Variants in PCCA observed in about 807,000 individuals in gnomAD.
PCCA encodes propionyl-CoA carboxylase subunit alpha.
Under a neutral mutation model 101.3 loss-of-function variants are expected in PCCA, and 74 were observed. That is an observed-to-expected ratio of 0.73 (90% CI 0.61 to 0.89). The LOEUF (loss-of-function observed/expected upper bound fraction) is 0.89, where lower values mean the gene tolerates loss of function less well. Ranked by LOEUF, PCCA falls within the 40% of genes least tolerant of loss-of-function variation. The probability of loss-of-function intolerance (pLI) is 0.00; values close to 1 mark genes in which losing one functional copy is unlikely to be tolerated. For synonymous variants in PCCA, 294 were observed against 313.6 expected (o/e 0.94, Z 0.66); for missense variants, 891 against 907.0 (o/e 0.98, Z 0.23).
At chr13:100,103,793 G>T (rs535716410) in intron 2 of PCCA, among the ~76,000 whole-genome samples, 1 of 150,420 alleles carries the variant, frequency 6.6e-6, no homozygotes, top group Non-Finnish European at 1.5e-5. Context: ...GCCCCACCAC[G>T]CCCGTCTAAT....
intron 17 of PCCA, among the ~76,000 whole-genome samples, chr13:100,339,696 C>T (rs537203970): frequency 2.0e-5 from 3 of 152,276 alleles, no homozygotes; most frequent in East Asian, 1.9e-4. Flanking sequence ...TTTGGATCTT[C>T]GCACCAGAAA....
chr13:100,340,902 C>T (rs1294919240), intron 18 of PCCA, among the ~76,000 whole-genome samples: 1 of 151,612 alleles, frequency 6.6e-6, no homozygotes, highest in Non-Finnish European at 1.5e-5. Flanking sequence ...TTCCTTTTTA[C>T]TTTTTCACAA....
rs192139152 is a variant in PCCA at position 100,091,541 on chromosome 13, C to T, written c.105+2316C>T. On this transcript the variant is annotated intron_variant, in intron 1 of 23. Coordinates refer to ENST00000376285, the MANE Select transcript of PCCA (RefSeq NM_000282.4). Reference sequence around the variant, plus strand: ...TGAGCTGCTGCTTAGCTTCTCTCTGCGCTTCTCTTCTATGAACTTGAAATA... The same window carrying T: ...TGAGCTGCTGCTTAGCTTCTCTCTGTGCTTCTCTTCTATGAACTTGAAATA... Among the ~76,000 whole-genome samples, 40 of 152,256 alleles carry T rather than the reference C, an allele frequency of 2.6e-4. No individual in the cohort carries two copies. In the East Asian group the frequency reaches 6.8e-3, roughly 26 times the overall value.
intron 21 of PCCA, among the ~76,000 whole-genome samples, chr13:100,511,443 G>A (rs1439751665): frequency 6.6e-6 from 1 of 152,196 alleles, no homozygotes; most frequent in Non-Finnish European, 1.5e-5. Context: ...CTTTGAAGAA[G>A]TGTCTGCCTC....
chr13:100,343,197 A>G (rs536980039), intron 18 of PCCA, among the ~76,000 whole-genome samples: 26 of 152,182 alleles, frequency 1.7e-4, no homozygotes, highest in Non-Finnish European at 3.4e-4. Flanking sequence ...CTCCGTCTCA[A>G]ACAAACAAAC....
chr13:100,451,664 G>C (rs891899364), intron 21 of PCCA, among the ~76,000 whole-genome samples: 1 of 149,124 alleles, frequency 6.7e-6, no homozygotes, highest in Non-Finnish European at 1.5e-5. Flanking sequence ...ACTAATCCTT[G>C]ATTACTTTCT....
intron 21 of PCCA, among the ~76,000 whole-genome samples, chr13:100,489,149 C>CAA (rs71114700): frequency 2.2e-4 from 33 of 151,108 alleles, no homozygotes; most frequent in Admixed American, 7.9e-4. Flanking sequence ...ACTAAAAATA[C>CAA]AAAAAAAAAT....
At chr13:100,500,869 C>T (rs1268240082) in intron 21 of PCCA, among the ~76,000 whole-genome samples, 1 of 152,178 alleles carries the variant, frequency 6.6e-6, no homozygotes, top group Non-Finnish European at 1.5e-5. Flanking sequence ...TTTAGCTGGG[C>T]GCAGTGGCTC....
Position 100,341,253 on chromosome 13 carries a change from C to T in PCCA, c.1643+994C>T, listed in dbSNP as rs920726349. 6.6e-5 allele frequency among the ~76,000 whole-genome samples: 10 copies of T among 152,228 alleles called. 1 individual carries two copies. Among genetic ancestry groups the T allele is most frequent in the Admixed American group, 6.5e-5 (1 of 15,292 alleles). On this transcript the variant is annotated intron_variant, in intron 18 of 23. Transcript: ENST00000376285. ...GGAGGAGGAAAATGGTCAATAGAAC[C>T]GTGAATCTGCTTGTGCATCTGTTTA... is the stretch of plus-strand genomic sequence containing the variant.
At chr13:100,118,387 T>G (rs1386975226) in intron 4 of PCCA, among the ~76,000 whole-genome samples, 1 of 152,168 alleles carries the variant, frequency 6.6e-6, no homozygotes, top group African/African-American at 2.4e-5. Context: ...TTATTATACC[T>G]CTTTAGTCTC....
rs374680190 is a variant in PCCA, at chr13:100,351,564, T to C, written c.1643+11305T>C. The stretch of plus-strand genomic sequence containing the variant: ...ATGCTTTTTTCTATATTTGTATATA[T>C]GAAGACCATAATGATTTATGCATGT... On this transcript the variant is annotated intron_variant, in intron 18 of 23. Transcript: ENST00000376285. 9.9e-5 allele frequency among the ~76,000 whole-genome samples: 15 copies of C among 152,284 alleles called. No individual in the cohort carries two copies. The East Asian group carries it at 1.9e-3, about 20-fold the overall frequency.
At chr13:100,424,100 T>C (rs2078992548) in intron 19 of PCCA, among the ~76,000 whole-genome samples, 1 of 152,228 alleles carries the variant, frequency 6.6e-6, no homozygotes, top group Non-Finnish European at 1.5e-5. Context: ...ACTGCCTTTT[T>C]TCCCCCCATC....
chr13:100,367,789 T>C (rs953641345), intron 18 of PCCA, among the ~76,000 whole-genome samples: 4 of 151,490 alleles, frequency 2.6e-5, no homozygotes, highest in Admixed American at 6.6e-5. Flanking sequence ...AAACCCCATC[T>C]CTACTAAAAA....
intron 7 of PCCA, among the ~76,000 whole-genome samples, chr13:100,230,516 G>A (rs1400510075): frequency 6.7e-6 from 1 of 149,592 alleles, no homozygotes; most frequent in African/African-American, 2.5e-5. Context: ...CTGCACTCCA[G>A]CCTGAGTGAC....
At chr13:100,282,300 C>T (rs1214118748) in intron 12 of PCCA, among the ~76,000 whole-genome samples, 1 of 152,260 alleles carries the variant, frequency 6.6e-6, no homozygotes, top group Non-Finnish European at 1.5e-5. Flanking sequence ...CCTCAGAGCC[C>T]TCGCTCGCTC....
At chr13:100,265,915 A>G (rs2062906305) in intron 10 of PCCA, among the ~76,000 whole-genome samples, 1 of 152,198 alleles carries the variant, frequency 6.6e-6, no homozygotes, top group Admixed American at 6.5e-5. Context: ...TGAGATAGGA[A>G]AGACTGTGAG....
chr13:100,281,055 T>C (rs2064068617), intron 12 of PCCA, among the ~76,000 whole-genome samples: 1 of 152,174 alleles, frequency 6.6e-6, no homozygotes, highest in African/African-American at 2.4e-5. Flanking sequence ...TCACATCGAC[T>C]GTATGATACC....
At chr13:100,179,089 AAAAT>A (rs1307323700) in intron 6 of PCCA, among the ~76,000 whole-genome samples, 1,585 of 105,350 alleles carry the variant, frequency 0.015, 14 homozygotes, top group South Asian at 0.029. Flanking sequence ...AAAAAAAAAA[AAAAT>A]ATATATATAT....
intron 6 of PCCA, among the ~76,000 whole-genome samples, chr13:100,192,264 TAC>T (rs1326906882): frequency 6.6e-6 from 1 of 152,236 alleles, no homozygotes; most frequent in East Asian, 1.9e-4. Flanking sequence ...TCTACCACAG[TAC>T]TCATGCTTTA....
Sources: allele counts gnomAD v4.1 joint callset (sites outside exome capture counted in the v4.1 genomes callset), GRCh38; gene constraint gnomAD v4.1.1; transcripts MANE v1.5; gene names NCBI Gene and HGNC (gene_info 2026-07-23, HGNC 2026-07-21).